The following NBEA variants were observed in gnomAD, a reference collection of about 807,000 sequenced individuals.
NBEA encodes the protein lysosomal-trafficking regulator 2.
NBEA carries 44 observed loss-of-function variants against 343.4 expected under a neutral mutation model. The ratio of observed to expected loss-of-function variants is 0.13; its 90% CI spans 0.10 to 0.16. The LOEUF is 0.16. NBEA is among the 10% of genes least tolerant of loss of function. The pLI is 1.00. For missense variants in NBEA, 2,555 were observed against 3,631.3 expected (o/e 0.70, Z 7.62); for synonymous variants, 1,175 against 1,238.7 (o/e 0.95, Z 1.08).
intron 4 of NBEA, among the ~76,000 whole-genome samples, chr13:35,045,608 A>T (rs939978977): frequency 1.3e-5 from 2 of 152,044 alleles, no homozygotes; most frequent in Non-Finnish European, 2.9e-5. Context: ...ATTCCCCTCT[A>T]CCCATCCCCA....
At chr13:35,003,002 A>T (rs964696155) in intron 1 of NBEA, among the ~76,000 whole-genome samples, 1 of 152,202 alleles carries the variant, frequency 6.6e-6, no homozygotes. Context: ...TAAATTTCAT[A>T]GAACAGGGAT....
At chr13:35,123,257 A>T (rs1456015781) in intron 16 of NBEA, among the ~76,000 whole-genome samples, 2 of 152,204 alleles carry the variant, frequency 1.3e-5, no homozygotes, top group African/African-American at 2.4e-5. Context: ...GGCAGTACTT[A>T]TGAACACCAG....
At chr13:35,295,318 G>A (rs930695946) in intron 35 of NBEA, among the ~76,000 whole-genome samples, 7 of 151,694 alleles carry the variant, frequency 4.6e-5, no homozygotes, top group Non-Finnish European at 8.8e-5. Context: ...GATAGTTCAT[G>A]ATCATTGACT....
At chr13:35,204,657 G>A (rs2152747927) in intron 31 of NBEA, among the ~76,000 whole-genome samples, 1 of 152,152 alleles carries the variant, frequency 6.6e-6, no homozygotes, top group South Asian at 2.1e-4. Context: ...CACTGGAGTA[G>A]AGGATTCAAG....
intron 25 of NBEA, chr13:35,171,009 A>T: frequency 1.8e-6 from 1 of 541,468 alleles, no homozygotes; most frequent in South Asian, 1.7e-5. Flanking sequence ...TAAGTTTAGG[A>T]TGTCATTTTT....
intron 38 of NBEA, among the ~76,000 whole-genome samples, chr13:35,376,590 T>C (rs945965828): frequency 2.6e-5 from 4 of 152,184 alleles, no homozygotes; most frequent in African/African-American, 9.6e-5. Context: ...ATTCGTTCTA[T>C]AAATTATTCC....
intron 17 of NBEA, 87 bp from the exon 18 acceptor site, chr13:35,142,182 T>C: frequency 1.4e-6 from 1 of 732,150 alleles, no homozygotes; most frequent in Admixed American, 2.3e-5. Flanking sequence ...TGTATCTGCT[T>C]ATAAATTGTT....
chr13:35,613,084 TA>T (rs2082593259), intron 48 of NBEA, among the ~76,000 whole-genome samples: 2 of 149,130 alleles, frequency 1.3e-5, no homozygotes, highest in South Asian at 4.2e-4. Context: ...TAAAAATATA[TA>T]TATTTACATA....
chr13:35,093,466 T>C (rs1287600205), intron 10 of NBEA, among the ~76,000 whole-genome samples: 1 of 152,066 alleles, frequency 6.6e-6, no homozygotes, highest in African/African-American at 2.4e-5. Flanking sequence ...GTTTATTTTC[T>C]TGCATTTGCG....
Position 35,539,915 on chromosome 13 carries a change from CAAAAAAAAAAAAA to C in NBEA, c.6586-10547_6586-10535del, listed in dbSNP as rs71081262. Reference sequence around the variant, plus strand: ...TGGGCGACAGAGCAAGACTCCGTCTCAAAAAAAAAAAAAAAAAAAAAAAAAAAGTGCACTAGTA... The same window carrying C: ...TGGGCGACAGAGCAAGACTCCGTCTCAAAAAAAAAAAAAAGTGCACTAGTA... On this transcript the variant is annotated intron_variant, in intron 41 of 58. Coordinates refer to ENST00000379939, the MANE Select transcript of NBEA (RefSeq NM_001385012.1). Among the ~76,000 whole-genome samples the C allele has an allele frequency of 2.3e-3, 91 of 39,618 alleles. 1 individual carries two copies. The highest frequency in any genetic ancestry group is 0.011 in the African/African-American group (88 of 8,126). The allele number at this position is 39,618 out of a possible 152,430, so 26.0% of individuals were successfully genotyped here.
intron 41 of NBEA, among the ~76,000 whole-genome samples, chr13:35,531,686 C>G (rs932915581): frequency 6.6e-6 from 1 of 152,142 alleles, no homozygotes; most frequent in African/African-American, 2.4e-5. Flanking sequence ...GCACACAGTT[C>G]CCATAGATAG....
Position 35,481,976 on chromosome 13 carries a change from T to C in NBEA, c.6585+9440T>C, listed in dbSNP as rs989045704. 5.3e-5 allele frequency among the ~76,000 whole-genome samples: 8 copies of C among 151,888 alleles called. No homozygotes were observed. The East Asian group carries it at 1.5e-3, about 29-fold the overall frequency. On this transcript the variant is annotated intron_variant, in intron 41 of 58. Coordinates refer to ENST00000379939, the MANE Select transcript of NBEA (RefSeq NM_001385012.1). ...TAGGTCATCCAGGACTGCATTGCTCTCATTACTGTTTCATACTGTATGTGA... is the reference window on the plus strand; with the variant it reads ...TAGGTCATCCAGGACTGCATTGCTCCCATTACTGTTTCATACTGTATGTGA...
chr13:35,205,526 A>T (rs1208743648), intron 31 of NBEA, among the ~76,000 whole-genome samples: 1 of 152,106 alleles, frequency 6.6e-6, no homozygotes, highest in African/African-American at 2.4e-5. Flanking sequence ...GCCTTTCCTC[A>T]TATGACTTGT....
chr13:34,974,232 T>C (rs753436036), intron 1 of NBEA, among the ~76,000 whole-genome samples: 1 of 152,172 alleles, frequency 6.6e-6, no homozygotes, highest in Non-Finnish European at 1.5e-5. Context: ...GATGTTTCAG[T>C]TGAAGGTACT....
intron 16 of NBEA, among the ~76,000 whole-genome samples, chr13:35,123,221 A>T (rs1344820912): frequency 6.6e-6 from 1 of 152,214 alleles, no homozygotes; most frequent in Non-Finnish European, 1.5e-5. Context: ...ATGTGGCCTA[A>T]CTAAGCATGT....
chr13:35,267,286 CTG>C (rs1245971057), intron 34 of NBEA, among the ~76,000 whole-genome samples: 1 of 151,918 alleles, frequency 6.6e-6, no homozygotes, highest in African/African-American at 2.4e-5. Context: ...ACAAAAATAA[CTG>C]TGCGAGGCAA....
rs571979950 is a variant in NBEA at position 35,197,581 on chromosome 13, G to A, written c.5366+1279G>A. Among the ~76,000 whole-genome samples, 110 of 151,786 alleles carry A rather than the reference G, an allele frequency of 7.2e-4. 1 individual carries two copies. The highest frequency in any genetic ancestry group is 3.1e-3 in the East Asian group (16 of 5,140). ...CACCCAGGCTAGAGTGCAGTGGTGC[G>A]ATCTTGGCTCACTGCAACCTCCACC... On this transcript the variant is annotated intron_variant, in intron 31 of 58. Transcript: ENST00000379939.
At chr13:35,255,290 G>A (rs1225069483) in intron 34 of NBEA, among the ~76,000 whole-genome samples, 1 of 152,164 alleles carries the variant, frequency 6.6e-6, no homozygotes, top group Admixed American at 6.5e-5. Flanking sequence ...TGGGATCCTT[G>A]GGGTGTCACT....
intron 34 of NBEA, among the ~76,000 whole-genome samples, chr13:35,289,617 A>G (rs541729580): frequency 2.6e-5 from 4 of 152,048 alleles, no homozygotes; most frequent in African/African-American, 9.6e-5. Context: ...TAGGAAATAT[A>G]CGTTCTTAAC....
Sources: gnomAD v4.1 joint callset for allele counts (sites outside exome capture counted in the v4.1 genomes callset) on GRCh38, gnomAD v4.1.1 for gene constraint, MANE v1.5 for transcripts, NCBI Gene and HGNC (gene_info 2026-07-23, HGNC 2026-07-21) for gene names.